DCC: variants seen among roughly 807,000 people sequenced by gnomAD.
DCC encodes DCC netrin 1 receptor.
A neutral mutation model predicts 172.5 loss-of-function variants in DCC; 58 were observed. That is an observed-to-expected ratio of 0.34 (90% CI 0.27 to 0.42). The LOEUF (loss-of-function observed/expected upper bound fraction) is 0.42. Ranked by LOEUF, DCC falls within the 10% of genes least tolerant of loss-of-function variation. The pLI, the probability that DCC is intolerant of heterozygous loss-of-function variation, is 1.00. For missense variants in DCC, 1,740 were observed against 1,791.0 expected (o/e 0.97, Z 0.51); for synonymous variants, 709 against 644.5 (o/e 1.10, Z -1.52).
At chr18:53,102,520 T>C (rs1395114152) in intron 7 of DCC, among the ~76,000 whole-genome samples, 1 of 152,104 alleles carries the variant, frequency 6.6e-6, no homozygotes, top group Non-Finnish European at 1.5e-5. Context: ...TGTATATGTA[T>C]TTCCAGCCTA....
intron 5 of DCC, among the ~76,000 whole-genome samples, chr18:53,015,429 T>G (rs1165319205): frequency 6.6e-6 from 1 of 152,172 alleles, no homozygotes; most frequent in Non-Finnish European, 1.5e-5. Context: ...TCAAGTTTAT[T>G]GAACACTTTG....
At chr18:53,073,253 C>T (rs554394972) in intron 7 of DCC, among the ~76,000 whole-genome samples, 26 of 152,230 alleles carry the variant, frequency 1.7e-4, no homozygotes, top group Non-Finnish European at 2.5e-4. Flanking sequence ...AGGCCCGGCG[C>T]GGTGGCTCAG....
chr18:52,908,909 C>A (rs1348082129), intron 3 of DCC, among the ~76,000 whole-genome samples: 1 of 152,088 alleles, frequency 6.6e-6, no homozygotes, highest in Non-Finnish European at 1.5e-5. Context: ...CGTGTGTACA[C>A]ATGCATGCGC....
chr18:53,400,951 A>G (rs756230400), intron 18 of DCC, among the ~76,000 whole-genome samples: 13 of 152,304 alleles, frequency 8.5e-5, no homozygotes, highest in Non-Finnish European at 1.3e-4. Flanking sequence ...AAAAAAGACA[A>G]AGATTTTAAT....
At chr18:52,841,309 T>G (rs1165750571) in intron 2 of DCC, among the ~76,000 whole-genome samples, 1 of 151,974 alleles carries the variant, frequency 6.6e-6, no homozygotes, top group Non-Finnish European at 1.5e-5. Context: ...ACACTCTGAC[T>G]AATGCATGTA....
At chr18:52,919,466 AT>A (rs1381159085) in intron 3 of DCC, among the ~76,000 whole-genome samples, 1 of 152,204 alleles carries the variant, frequency 6.6e-6, no homozygotes, top group Non-Finnish European at 1.5e-5. Context: ...TATTGGGGAA[AT>A]AAGATCATGT....
chr18:52,688,665 T>A (rs571127109), intron 1 of DCC, among the ~76,000 whole-genome samples: 1 of 151,976 alleles, frequency 6.6e-6, no homozygotes, highest in Non-Finnish European at 1.5e-5. Context: ...AAAAAAAGGG[T>A]AACTGTATGA....
intron 7 of DCC, among the ~76,000 whole-genome samples, chr18:53,095,105 G>T (rs2043066962): frequency 6.6e-6 from 1 of 152,172 alleles, no homozygotes; most frequent in East Asian, 1.9e-4. Flanking sequence ...TAAAAATTTA[G>T]ACATTTCCAC....
At chr18:52,774,853 C>T (rs1035544626) in intron 2 of DCC, among the ~76,000 whole-genome samples, 1 of 152,170 alleles carries the variant, frequency 6.6e-6, no homozygotes, top group African/African-American at 2.4e-5. Flanking sequence ...TGATTTACAC[C>T]TTCGGCAGCT....
At chr18:53,112,869 T>C (rs1042392015) in intron 7 of DCC, among the ~76,000 whole-genome samples, 1 of 151,522 alleles carries the variant, frequency 6.6e-6, no homozygotes, top group East Asian at 1.9e-4. Flanking sequence ...AATTGTGTAA[T>C]TGCAATGTGT....
chr18:52,408,239 A>G (rs1398032794), intron 1 of DCC, among the ~76,000 whole-genome samples: 1 of 152,026 alleles, frequency 6.6e-6, no homozygotes, highest in Admixed American at 6.6e-5. Flanking sequence ...CAAAATCCAG[A>G]TTTTTTTAAG....
At chr18:52,656,862 A>C (rs969088079) in intron 1 of DCC, among the ~76,000 whole-genome samples, 1 of 151,826 alleles carries the variant, frequency 6.6e-6, no homozygotes, top group Non-Finnish European at 1.5e-5. Flanking sequence ...ATATATCCTT[A>C]CTGCTAGAAA....
chr18:52,737,820 A>G (rs1026350518), intron 1 of DCC, among the ~76,000 whole-genome samples: 4 of 152,188 alleles, frequency 2.6e-5, no homozygotes, highest in African/African-American at 9.7e-5. Context: ...CCAACAGACC[A>G]ATCTTTTAAA....
chr18:53,298,830 A>T (rs2057099958), intron 12 of DCC, among the ~76,000 whole-genome samples: 2 of 152,116 alleles, frequency 1.3e-5, no homozygotes, highest in Admixed American at 1.3e-4. Flanking sequence ...AAATTAGATG[A>T]GTATAATTGC....
chr18:53,244,185 A>C (rs753038394), intron 12 of DCC, among the ~76,000 whole-genome samples: 4 of 152,102 alleles, frequency 2.6e-5, no homozygotes, highest in Non-Finnish European at 5.9e-5. Flanking sequence ...GAAGTTTGAT[A>C]CTTTATTATC....
intron 12 of DCC, among the ~76,000 whole-genome samples, chr18:53,266,183 T>C (rs2056671703): frequency 6.6e-6 from 1 of 152,204 alleles, no homozygotes. Context: ...ATTTCATACC[T>C]GATTTCTCAT....
At chr18:52,720,427 T>C (rs1276777018) in intron 1 of DCC, among the ~76,000 whole-genome samples, 1 of 152,168 alleles carries the variant, frequency 6.6e-6, no homozygotes, top group African/African-American at 2.4e-5. Flanking sequence ...AACATGGCCG[T>C]GGTGTTAGCT....
chr18:53,132,764 A>G lies in DCC; in HGVS notation c.1262-24592A>G, dbSNP rs112464355. ...ATGCAAGCATGTCAGGCCAGGGTTC[A>G]TCTTCCAAAAATAGGGGTAGCAATT... is the stretch of plus-strand genomic sequence containing the variant. On this transcript the variant is annotated intron_variant, in intron 7 of 28. Transcript: ENST00000442544. 9.8e-3 allele frequency among the ~76,000 whole-genome samples: 1,487 copies of G among 152,208 alleles called. 33 individuals carry two copies. The highest frequency in any genetic ancestry group is 0.033 in the African/African-American group (1,381 of 41,552).
rs575628722 is a variant in DCC at position 52,971,796 on chromosome 18, G to A, written c.985+46426G>A. Among the ~76,000 whole-genome samples the A allele has an allele frequency of 2.0e-5, 3 of 152,284 alleles. No homozygotes were observed. In the South Asian group the frequency reaches 6.2e-4, roughly 32 times the overall value. ...AGAGAGAAGTCAAGTTGTGCAGAAA[G>A]TTATCACCTGGCACTGATGATTGAT... On this transcript the variant is annotated intron_variant, in intron 5 of 28. Transcript: ENST00000442544.
Sources: gnomAD v4.1 joint callset for allele counts (sites outside exome capture counted in the v4.1 genomes callset) on GRCh38, gnomAD v4.1.1 for gene constraint, MANE v1.5 for transcripts, NCBI Gene and HGNC (gene_info 2026-07-23, HGNC 2026-07-21) for gene names.